RALGAPA1: variants seen among roughly 807,000 people sequenced by gnomAD.
RALGAPA1 encodes ral GTPase-activating protein subunit alpha-1.
In RALGAPA1, 52 loss-of-function variants were observed where a neutral mutation model predicts 269.6. That is an observed-to-expected ratio of 0.19 (90% CI 0.15 to 0.24). The LOEUF (loss-of-function observed/expected upper bound fraction) is 0.24. Ranked by LOEUF, RALGAPA1 falls within the 10% of genes least tolerant of loss-of-function variation. The pLI, the probability that RALGAPA1 is intolerant of heterozygous loss-of-function variation, is 1.00. For synonymous variants in RALGAPA1, 817 were observed against 1,008.3 expected (o/e 0.81, Z 3.60); for missense variants, 1,917 against 3,013.9 (o/e 0.64, Z 8.52).
intron 10 of RALGAPA1, among the ~76,000 whole-genome samples, chr14:35,744,672 C>G (rs1423850687): frequency 6.6e-6 from 1 of 152,130 alleles, no homozygotes; most frequent in Admixed American, 6.6e-5. Flanking sequence ...TAGTAAACTA[C>G]TTTGTTATTT....
chr14:35,585,654 T>A (rs536163946), intron 37 of RALGAPA1, among the ~76,000 whole-genome samples: 1 of 152,330 alleles, frequency 6.6e-6, no homozygotes, highest in South Asian at 2.1e-4. Flanking sequence ...GGATCCAGTT[T>A]CAGCTTTCTA....
At chr14:35,580,489 T>C (rs1354888306) in intron 37 of RALGAPA1, among the ~76,000 whole-genome samples, 2 of 152,210 alleles carry the variant, frequency 1.3e-5, no homozygotes, top group Admixed American at 6.5e-5. Flanking sequence ...GATTTTTATA[T>C]GGTGGTGCAA....
intron 37 of RALGAPA1, among the ~76,000 whole-genome samples, chr14:35,592,150 A>G (rs2058679423): frequency 6.6e-6 from 1 of 152,194 alleles, no homozygotes. Flanking sequence ...ATCCTTTGTT[A>G]AGACTGTAAC....
intron 39 of RALGAPA1, among the ~76,000 whole-genome samples, chr14:35,558,717 C>T (rs979244502): frequency 6.6e-6 from 1 of 152,114 alleles, no homozygotes; most frequent in African/African-American, 2.4e-5. Flanking sequence ...AAAGCAACCC[C>T]TTCCCCTCCT....
intron 37 of RALGAPA1, among the ~76,000 whole-genome samples, chr14:35,585,628 A>G (rs898947226): frequency 1.3e-5 from 2 of 152,148 alleles, no homozygotes; most frequent in African/African-American, 4.8e-5. Flanking sequence ...CTTTTTTTGT[A>G]TAAGGTTTAA....
chr14:35,576,030 T>G (rs1022533717), intron 37 of RALGAPA1, among the ~76,000 whole-genome samples: 2 of 152,258 alleles, frequency 1.3e-5, no homozygotes, highest in African/African-American at 2.4e-5. Context: ...TTCTGTTATC[T>G]GAAGATCAGT....
intron 40 of RALGAPA1, 113 bp from the exon 41 acceptor site, chr14:35,548,651 C>A: frequency 1.5e-6 from 1 of 686,594 alleles, no homozygotes; most frequent in Non-Finnish European, 2.5e-6. Context: ...TCATAAAATG[C>A]AGTACCCTCT....
intron 1 of RALGAPA1, among the ~76,000 whole-genome samples, chr14:35,787,531 G>T (rs1056810556): frequency 6.6e-6 from 1 of 152,068 alleles, no homozygotes; most frequent in Non-Finnish European, 1.5e-5. Flanking sequence ...TGCATTTTTT[G>T]AAATAAATAC....
intron 31 of RALGAPA1, among the ~76,000 whole-genome samples, chr14:35,643,098 C>T (rs1281576317): frequency 4.6e-5 from 7 of 151,680 alleles, no homozygotes; most frequent in South Asian, 2.1e-4. Context: ...AACCAAACAC[C>T]GCAAGTTCTC....
At chr14:35,573,490 GAC>G (rs1407833593) in intron 37 of RALGAPA1, among the ~76,000 whole-genome samples, 1 of 152,118 alleles carries the variant, frequency 6.6e-6, no homozygotes, top group Non-Finnish European at 1.5e-5. Flanking sequence ...CAGATAACTA[GAC>G]ACACGGCAGG....
At chr14:35,788,033 G>A (rs1359618166) in intron 1 of RALGAPA1, among the ~76,000 whole-genome samples, 1 of 152,116 alleles carries the variant, frequency 6.6e-6, no homozygotes, top group African/African-American at 2.4e-5. Flanking sequence ...GTGCAGTGGT[G>A]TGATCTCAGC....
At chr14:35,665,449 G>A (rs944825061) in intron 26 of RALGAPA1, among the ~76,000 whole-genome samples, 2 of 152,044 alleles carry the variant, frequency 1.3e-5, no homozygotes, top group Non-Finnish European at 2.9e-5. Flanking sequence ...TAAAACATCT[G>A]CAAATTGATT....
intron 1 of RALGAPA1, among the ~76,000 whole-genome samples, chr14:35,806,599 A>G (rs2077400670): frequency 6.6e-6 from 1 of 152,210 alleles, no homozygotes; most frequent in African/African-American, 2.4e-5. Context: ...TCTCATACAT[A>G]TAGATGCACT....
intron 33 of RALGAPA1, among the ~76,000 whole-genome samples, 192 bp from the exon 34 acceptor site, chr14:35,628,143 C>T (rs1397776566): frequency 2.0e-5 from 3 of 152,016 alleles, no homozygotes; most frequent in African/African-American, 7.2e-5. Context: ...TAAGGAAGAC[C>T]TTTCTGAAAT....
chr14:35,601,439 C>T (rs2059285709), intron 36 of RALGAPA1, among the ~76,000 whole-genome samples: 1 of 152,164 alleles, frequency 6.6e-6, no homozygotes, highest in African/African-American at 2.4e-5. Context: ...GGCTCCTTAC[C>T]TGACCTTTGC....
chr14:35,716,891 C>T (rs2068879282), intron 16 of RALGAPA1, among the ~76,000 whole-genome samples: 1 of 152,070 alleles, frequency 6.6e-6, no homozygotes, highest in East Asian at 1.9e-4. Flanking sequence ...GATTCCAGGT[C>T]CCTCCATTGT....
At chr14:35,753,263 G>A (rs1326371230) in intron 7 of RALGAPA1, among the ~76,000 whole-genome samples, 1 of 152,132 alleles carries the variant, frequency 6.6e-6, no homozygotes, top group Admixed American at 6.6e-5. Context: ...ATTGGTAACT[G>A]TAGTAAACAT....
chr14:35,608,992 T>C (rs1206351978), intron 35 of RALGAPA1, among the ~76,000 whole-genome samples: 2 of 152,170 alleles, frequency 1.3e-5, no homozygotes, highest in Admixed American at 6.5e-5. Flanking sequence ...TTTGGGAGGC[T>C]GAGGCGGGTG....
chr14:35,577,330 T>C (rs1594664577), intron 37 of RALGAPA1, among the ~76,000 whole-genome samples: 6 of 151,236 alleles, frequency 4.0e-5, no homozygotes, highest in Admixed American at 4.0e-4. Context: ...TATCGGAAGG[T>C]AGGGAACTCT....
Sources: allele counts gnomAD v4.1 joint callset (sites outside exome capture counted in the v4.1 genomes callset), GRCh38; gene constraint gnomAD v4.1.1; transcripts MANE v1.5; gene names NCBI Gene and HGNC (gene_info 2026-07-23, HGNC 2026-07-21).